Variants in ACTR3C observed in about 807,000 individuals in gnomAD.
ACTR3C encodes the protein actin related protein 3C.
Under a neutral mutation model 26.3 loss-of-function variants are expected in ACTR3C, and 18 were observed. The observed-to-expected ratio is 0.68, with a 90% confidence interval of 0.47 to 1.01. The LOEUF (loss-of-function observed/expected upper bound fraction) is 1.01, where lower values mean the gene tolerates loss of function less well. ACTR3C is among the 50% of genes least tolerant of loss of function. The pLI is 0.00. For synonymous variants in ACTR3C, 55 were observed against 94.5 expected (o/e 0.58, Z 2.42); for missense variants, 184 against 250.7 (o/e 0.73, Z 1.80).
chr7:150,312,063 C>T (rs974496350), intron 1 of ACTR3C, among the ~76,000 whole-genome samples: 16 of 152,180 alleles, frequency 1.1e-4, no homozygotes, highest in African/African-American at 3.9e-4. Context: ...ACACCAGAAA[C>T]CAACGGATCT....
Position 150,295,312 on chromosome 7 carries a change from C to T in ACTR3C, c.-16G>A, listed in dbSNP as rs150898716. Reference sequence around the variant, plus strand: ...ATTCGAACATAATTTCTGCAAGATACTCTCTGTTTTCTGGTGTATTGAGTG... The same window carrying T: ...ATTCGAACATAATTTCTGCAAGATATTCTCTGTTTTCTGGTGTATTGAGTG... On this transcript the variant is annotated 5_prime_UTR_variant, in exon 2 of 8. Coordinates refer to ENST00000683684, the MANE Select transcript of ACTR3C (RefSeq NM_001164458.2). The T allele has an allele frequency of 0.011, 16,969 of 1,613,802 alleles. 106 individuals are homozygous for T. The highest frequency in any genetic ancestry group is 0.018 in the South Asian group (1,608 of 91,064).
the ACTR3C span, among the ~76,000 whole-genome samples, chr7:150,210,880 C>T: frequency 6.9e-6 from 1 of 144,606 alleles, no homozygotes; most frequent in African/African-American, 2.9e-5. Flanking sequence ...TCTAAATATG[C>T]ACAGTCAACT....
At chr7:150,270,609 G>A (rs1285935676) in intron 6 of ACTR3C, among the ~76,000 whole-genome samples, 9 of 150,958 alleles carry the variant, frequency 6.0e-5, no homozygotes, top group Non-Finnish European at 7.4e-5. Context: ...ACACATGGGC[G>A]CCACCCCCCC....
the ACTR3C span, among the ~76,000 whole-genome samples, chr7:149,915,588 T>C: frequency 6.6e-6 from 1 of 151,824 alleles, no homozygotes; most frequent in East Asian, 1.9e-4. Context: ...AAAAGAAATA[T>C]TGAATATCAC....
At chr7:149,894,432 C>T in the ACTR3C span, among the ~76,000 whole-genome samples, 1 of 152,058 alleles carries the variant, frequency 6.6e-6, no homozygotes, top group African/African-American at 2.4e-5. Flanking sequence ...GCAAAGAAAA[C>T]AATCAACAGA....
chr7:150,182,232 A>G, the ACTR3C span, among the ~76,000 whole-genome samples: 3 of 150,756 alleles, frequency 2.0e-5, no homozygotes, highest in Non-Finnish European at 4.4e-5. Context: ...ACTATTGATT[A>G]CTGTGGATTT....
chr7:150,096,961 T>C, the ACTR3C span, among the ~76,000 whole-genome samples: 1 of 152,192 alleles, frequency 6.6e-6, no homozygotes, highest in African/African-American at 2.4e-5. Context: ...GCAAGGCCAC[T>C]GCCCAGGCAG....
chr7:150,059,639 T>C, the ACTR3C span, among the ~76,000 whole-genome samples: 2 of 152,192 alleles, frequency 1.3e-5, no homozygotes, highest in East Asian at 1.9e-4. Context: ...AATAATGCTT[T>C]AGCAAATTTA....
the ACTR3C span, among the ~76,000 whole-genome samples, chr7:150,121,984 T>A: frequency 6.6e-6 from 1 of 152,134 alleles, no homozygotes; most frequent in Non-Finnish European, 1.5e-5. Context: ...GGGGAAACGA[T>A]TACCTATTTA....
intron 1 of ACTR3C, among the ~76,000 whole-genome samples, chr7:150,299,049 C>T (rs1314109088): frequency 1.4e-5 from 2 of 142,320 alleles, no homozygotes; most frequent in Admixed American, 1.4e-4. Flanking sequence ...AGCCCAATCT[C>T]GGATCTCTGG....
the ACTR3C span, among the ~76,000 whole-genome samples, chr7:149,986,979 T>TGGG: frequency 7.0e-6 from 1 of 142,152 alleles, no homozygotes; most frequent in Non-Finnish European, 1.5e-5. Flanking sequence ...CTGAGGCTAC[T>TGGG]GCCTTGAAGC....
At chr7:150,119,688 T>C in the ACTR3C span, among the ~76,000 whole-genome samples, 6 of 152,128 alleles carry the variant, frequency 3.9e-5, no homozygotes, top group African/African-American at 1.4e-4. Flanking sequence ...GACATAAAAT[T>C]AACAAGGATA....
At chr7:149,900,106 C>T in the ACTR3C span, among the ~76,000 whole-genome samples, 2 of 149,174 alleles carry the variant, frequency 1.3e-5, no homozygotes, top group African/African-American at 4.9e-5. Flanking sequence ...CAACAGCACA[C>T]CTACTTCAAA....
the ACTR3C span, among the ~76,000 whole-genome samples, chr7:150,185,706 G>A: frequency 6.6e-6 from 1 of 151,544 alleles, no homozygotes; most frequent in Non-Finnish European, 1.5e-5. Context: ...CTCCTAAGAT[G>A]AGCAGAAAAG....
At chr7:149,959,013 A>G in the ACTR3C span, among the ~76,000 whole-genome samples, 12 of 152,218 alleles carry the variant, frequency 7.9e-5, no homozygotes, top group Admixed American at 6.5e-5. Context: ...AAGAAGCCAC[A>G]TTGATTTTGC....
the ACTR3C span, among the ~76,000 whole-genome samples, chr7:150,007,586 C>T: frequency 2.0e-5 from 3 of 152,198 alleles, no homozygotes; most frequent in Non-Finnish European, 2.9e-5. Flanking sequence ...CTCAGATAAC[C>T]ACATTCTGAT....
intron 1 of ACTR3C, among the ~76,000 whole-genome samples, chr7:150,316,925 G>A (rs1216029470): frequency 1.3e-5 from 2 of 151,908 alleles, no homozygotes; most frequent in Non-Finnish European, 2.9e-5. Context: ...ATTTATTTAG[G>A]TCTTCTTTTT....
the ACTR3C span, among the ~76,000 whole-genome samples, chr7:150,219,445 T>C: frequency 1.4e-5 from 2 of 145,796 alleles, no homozygotes; most frequent in Non-Finnish European, 2.9e-5. Flanking sequence ...CATGCATTGC[T>C]GTGCGGCTTC....
In ACTR3C at chr7:150,274,576, A is replaced by G. The variant is rs1834711462; in HGVS notation, c.564+10177T>C. Among the ~76,000 whole-genome samples the G allele has an allele frequency of 6.6e-6, 1 of 152,148 alleles. No individual in the cohort carries two copies. Among genetic ancestry groups the G allele is most frequent in the African/African-American group, 2.4e-5 (1 of 41,422 alleles). Reference sequence around the variant, plus strand: ...TAATATCTATCACATATCAAGTACTACACTTCAGCCTGTGTAAGGGTGACC... The same window carrying G: ...TAATATCTATCACATATCAAGTACTGCACTTCAGCCTGTGTAAGGGTGACC... On this transcript the variant is annotated intron_variant, in intron 6 of 7. Transcript: ENST00000683684. This position sits in a 1 kb window ranked among gnomAD's most constrained non-coding sequence, Gnocchi z 4.1.
Sources: allele counts gnomAD v4.1 joint callset (sites outside exome capture counted in the v4.1 genomes callset), GRCh38; gene constraint gnomAD v4.1.1; non-coding constraint Gnocchi (gnomAD v3.1); transcripts MANE v1.5; gene names NCBI Gene and HGNC (gene_info 2026-07-23, HGNC 2026-07-21).